Variants in TENM4 observed in about 807,000 individuals in gnomAD.
TENM4 encodes teneurin transmembrane protein 4, also known as teneurin-4.
TENM4 carries 82 observed loss-of-function variants against 243.3 expected under a neutral mutation model. The ratio of observed to expected loss-of-function variants is 0.34; its 90% CI spans 0.28 to 0.40. The LOEUF is 0.40. Ranked by LOEUF, TENM4 falls within the 10% of genes least tolerant of loss-of-function variation. The pLI is 1.00. For missense variants in TENM4, 3,138 were observed against 3,673.3 expected (o/e 0.85, Z 3.77); for synonymous variants, 1,412 against 1,456.3 (o/e 0.97, Z 0.69).
intron 4 of TENM4, among the ~76,000 whole-genome samples, chr11:79,119,144 G>A (rs1452199207): frequency 1.3e-5 from 2 of 152,180 alleles, no homozygotes; most frequent in African/African-American, 2.4e-5. Flanking sequence ...AGTTCCCAAA[G>A]CCAGGGCTCA....
intron 6 of TENM4, among the ~76,000 whole-genome samples, chr11:79,046,808 G>T (rs1272036404): frequency 6.6e-6 from 1 of 152,114 alleles, no homozygotes; most frequent in Non-Finnish European, 1.5e-5. Flanking sequence ...ACGAGACAAT[G>T]AATTTCAGTT....
At chr11:78,686,078 G>T (rs904832911) in intron 29 of TENM4, among the ~76,000 whole-genome samples, 2 of 152,184 alleles carry the variant, frequency 1.3e-5, no homozygotes, top group Non-Finnish European at 2.9e-5. Context: ...GTCATAAGAC[G>T]TACTTTCAGA....
intron 29 of TENM4, among the ~76,000 whole-genome samples, chr11:78,677,785 T>A (rs1302925895): frequency 4.6e-5 from 7 of 151,518 alleles, no homozygotes; most frequent in South Asian, 4.2e-4. Context: ...TTTTTTTTTT[T>A]ATTATACTCT....
At chr11:78,900,068 C>A (rs966424006) in intron 7 of TENM4, among the ~76,000 whole-genome samples, 1 of 152,152 alleles carries the variant, frequency 6.6e-6, no homozygotes, top group Non-Finnish European at 1.5e-5. Flanking sequence ...CAGTTGCCAG[C>A]TGAATACTAC....
chr11:79,383,309 C>G (rs1858045010), intron 1 of TENM4, among the ~76,000 whole-genome samples: 1 of 152,248 alleles, frequency 6.6e-6, no homozygotes, highest in African/African-American at 2.4e-5. Flanking sequence ...AGAAATACCA[C>G]TTTCTCTCCT....
In TENM4 at chr11:78,792,220, GA is replaced by G. The variant is rs991374815; in HGVS notation, c.2180-5138del. ...TAACCCAGCAGAGGAATGTGTTCCT[GA>G]AGAATGAAATATTTGCTTTTCTAGT... On this transcript the variant is annotated intron_variant, in intron 15 of 33. Transcript: ENST00000278550. 2.0e-5 allele frequency among the ~76,000 whole-genome samples: 3 copies of G among 152,178 alleles called. No individual in the cohort carries two copies. The East Asian group carries it at 5.8e-4, about 29-fold the overall frequency.
chr11:79,349,873 G>A (rs752159222), intron 1 of TENM4, among the ~76,000 whole-genome samples: 8 of 152,202 alleles, frequency 5.3e-5, no homozygotes, highest in Non-Finnish European at 1.0e-4. Flanking sequence ...AGGGCCTAGA[G>A]GAGAATTCAT....
intron 1 of TENM4, among the ~76,000 whole-genome samples, chr11:79,342,981 AT>A (rs1857266163): frequency 6.6e-6 from 1 of 152,090 alleles, no homozygotes; most frequent in Admixed American, 6.5e-5. Flanking sequence ...CACCACATTC[AT>A]TTTTCTGTGG....
intron 6 of TENM4, among the ~76,000 whole-genome samples, chr11:79,052,256 C>T (rs981731783): frequency 3.3e-5 from 5 of 152,206 alleles, no homozygotes; most frequent in South Asian, 2.1e-4. Context: ...AAAAGCATTC[C>T]TTTTTCTCTG....
intron 6 of TENM4, among the ~76,000 whole-genome samples, chr11:78,990,338 T>C (rs773187538): frequency 6.6e-6 from 1 of 152,148 alleles, no homozygotes; most frequent in Non-Finnish European, 1.5e-5. Flanking sequence ...GTCGCCTGGC[T>C]GTGGCCTCCC....
At chr11:79,150,884 T>G (rs1171172389) in intron 3 of TENM4, among the ~76,000 whole-genome samples, 2 of 152,234 alleles carry the variant, frequency 1.3e-5, no homozygotes, top group African/African-American at 4.8e-5. Flanking sequence ...TAAACATTAT[T>G]TTATTCTACT....
At chr11:78,912,380 G>A (rs1036277963) in intron 6 of TENM4, among the ~76,000 whole-genome samples, 6 of 152,048 alleles carry the variant, frequency 3.9e-5, no homozygotes, top group South Asian at 2.1e-4. Flanking sequence ...TCAGCCTCCC[G>A]AGTAGTTGGG....
intron 4 of TENM4, among the ~76,000 whole-genome samples, chr11:79,101,027 A>G (rs1453697035): frequency 6.6e-6 from 1 of 151,886 alleles, no homozygotes; most frequent in Non-Finnish European, 1.5e-5. Context: ...GTTGCAAAGC[A>G]TCCAGGATTA....
At position 78,805,282 on chromosome 11, in the gene TENM4, C is replaced by CCCCCCCCCCCCCCCCCCCCCCAAG; in HGVS notation, c.2179+9_2179+10insCTTGGGGGGGGGGGGGGGGGGGGG. On this transcript the variant is annotated intron_variant, in intron 15 of 33. Coordinates refer to ENST00000278550, the MANE Select transcript of TENM4 (RefSeq NM_001098816.3). ...CCCTCTACCCATGCTTCTTCTCCCC[C>CCCCCCCCCCCCCCCCCCCCCCAAG]TGCATTTACCGATAGAACAGTCGTG... 3 of 995,568 alleles carry CCCCCCCCCCCCCCCCCCCCCCAAG rather than the reference C, an allele frequency of 3.0e-6. No homozygotes were observed. The highest frequency in any genetic ancestry group is 1.2e-6 in the Non-Finnish European group (1 of 823,790). 61.7% of individuals were successfully genotyped at this position (995,568 alleles called of 1,614,324 possible). A position where few individuals can be genotyped will look rare whatever the true frequency, so the allele number is the denominator to read the frequency against.
intron 1 of TENM4, among the ~76,000 whole-genome samples, chr11:79,422,924 T>C (rs549803918): frequency 1.3e-5 from 2 of 152,232 alleles, no homozygotes; most frequent in Non-Finnish European, 2.9e-5. Flanking sequence ...GGCCGACTTA[T>C]TTTTAAACTG....
intron 6 of TENM4, among the ~76,000 whole-genome samples, chr11:79,014,915 C>T (rs1591208794): frequency 6.6e-6 from 1 of 152,186 alleles, no homozygotes; most frequent in Non-Finnish European, 1.5e-5. Context: ...CATGCCTCTG[C>T]CCCTGCACTA....
intron 4 of TENM4, among the ~76,000 whole-genome samples, chr11:79,119,461 T>G (rs1056613812): frequency 6.6e-6 from 1 of 152,156 alleles, no homozygotes; most frequent in Non-Finnish European, 1.5e-5. Context: ...ACAGTGGGAA[T>G]GCAAGGATAA....
At chr11:79,388,584 C>A (rs1858165000) in intron 1 of TENM4, among the ~76,000 whole-genome samples, 3 of 152,162 alleles carry the variant, frequency 2.0e-5, no homozygotes, top group Admixed American at 2.0e-4. Flanking sequence ...GGGCCTCGTG[C>A]ACACAGGCAG....
intron 3 of TENM4, among the ~76,000 whole-genome samples, chr11:79,157,049 G>A (rs1296927282): frequency 6.6e-6 from 1 of 152,194 alleles, no homozygotes; most frequent in Non-Finnish European, 1.5e-5. Flanking sequence ...GGTTGAGAAG[G>A]AGGACCTGAA....
Sources: gnomAD v4.1 joint callset for allele counts (sites outside exome capture counted in the v4.1 genomes callset) on GRCh38, gnomAD v4.1.1 for gene constraint, MANE v1.5 for transcripts, NCBI Gene and HGNC (gene_info 2026-07-23, HGNC 2026-07-21) for gene names.